MYL12A: variants seen among roughly 807,000 people sequenced by gnomAD.
MYL12A encodes the protein myosin regulatory light chain 12A.
A neutral mutation model predicts 13.3 loss-of-function variants in MYL12A; 11 were observed. The observed-to-expected ratio is 0.83, with a 90% CI of 0.52 to 1.37. The LOEUF (loss-of-function observed/expected upper bound fraction) is 1.37, where lower values mean the gene tolerates loss of function less well. Among genes scored for constraint, MYL12A ranks in the 40% most tolerant of loss-of-function variants. The probability of loss-of-function intolerance (pLI) is 0.00; values close to 1 mark genes in which losing one functional copy is unlikely to be tolerated. For missense variants in MYL12A, 146 were observed against 212.3 expected (o/e 0.69, Z 1.94); for synonymous variants, 51 against 69.9 (o/e 0.73, Z 1.35).
intron 1 of MYL12A, chr18:3,248,731 A>G (rs1451860457): frequency 1.3e-5 from 2 of 152,226 alleles, no homozygotes; most frequent in African/African-American, 4.8e-5. Context: ...TTTACTGGCA[A>G]GTCAGCCCTC....
intron 1 of MYL12A, chr18:3,252,408 A>G (rs1015242825): frequency 2.8e-6 from 4 of 1,433,198 alleles, no homozygotes; most frequent in Non-Finnish European, 3.7e-6. Flanking sequence ...TGAGTATTGA[A>G]AATTGCCTTT....
At chr18:3,250,291 A>G (rs2081472352) in intron 1 of MYL12A, among the ~76,000 whole-genome samples, 1 of 152,248 alleles carries the variant, frequency 6.6e-6, no homozygotes, top group African/African-American at 2.4e-5. Context: ...AGAGTTGTGC[A>G]TTTGCTGAAG....
intron 1 of MYL12A, chr18:3,252,136 A>G: frequency 4.2e-6 from 2 of 479,842 alleles, no homozygotes; most frequent in South Asian, 9.1e-5. Flanking sequence ...GACCAATGGC[A>G]TAGTGTTTTG....
intron 1 of MYL12A, chr18:3,248,464 TG>T (rs1206275432): frequency 6.6e-6 from 1 of 152,190 alleles, no homozygotes; most frequent in African/African-American, 2.4e-5. Flanking sequence ...TTGTCCCATT[TG>T]GGGGGAAAGT....
chr18:3,251,141 CA>C (rs5822748), intron 1 of MYL12A, among the ~76,000 whole-genome samples: 20,567 of 109,994 alleles, frequency 0.19, 1,367 homozygotes, highest in East Asian at 0.3. Flanking sequence ...AGTGCTGACC[CA>C]AAAAAAAAAA....
At chr18:3,255,527 A>G in intron 3 of MYL12A, 1 of 450,636 alleles carries the variant, frequency 2.2e-6, no homozygotes, top group East Asian at 3.7e-5. Flanking sequence ...GCAGAATGAT[A>G]GAGCAAATGA....
chr18:3,256,089 TATC>T lies in MYL12A; in HGVS notation c.*174_*176del, dbSNP rs2081535456. On this transcript the variant is annotated 3_prime_UTR_variant, in exon 4 of 4. Transcript: ENST00000217652. ...GACTGGAAACGGGACTTTCTATTAA[TATC>T]ATTTTCAGAATAAAAAATAGGATAA... 5 of 802,836 alleles carry T rather than the reference TATC, an allele frequency of 6.2e-6. No homozygotes were observed. The African/African-American group carries it at 8.7e-5, about 14-fold the overall frequency. The allele number at this position is 802,836 out of a possible 1,614,324, so 49.7% of individuals were successfully genotyped here. A position where few individuals can be genotyped will look rare whatever the true frequency, so the allele number is the denominator to read the frequency against.
At chr18:3,253,674 T>C (rs959397917) in intron 2 of MYL12A, 11 of 682,920 alleles carry the variant, frequency 1.6e-5, no homozygotes, top group African/African-American at 3.6e-5. Flanking sequence ...AGCAGTATTA[T>C]TCCTTCTGAC....
chr18:3,255,586 C>G (rs1338648087), intron 3 of MYL12A, 160 bp from the exon 4 acceptor site: 1 of 873,166 alleles, frequency 1.1e-6, no homozygotes, highest in Non-Finnish European at 1.7e-6. Context: ...CTAGGCACTT[C>G]TCTGCTGAGG....
At position 3,254,162 on chromosome 18, in the gene MYL12A, T is replaced by G. The variant is rs762090561; in HGVS notation, c.343+112T>G. 3.8e-4 allele frequency: 466 copies of G among 1,211,972 alleles called. 1 individual carries two copies. Among genetic ancestry groups the G allele is most frequent in the Middle Eastern group, 1.1e-3 (4 of 3,566 alleles). 75.1% of individuals were successfully genotyped at this position (1,211,972 alleles called of 1,614,324 possible). ...GCTCTCAGGTTTGTACTACACCTAT[T>G]TTTTTAGACAGAGTTCTCTTGGCAT... On this transcript the variant is annotated intron_variant, in intron 3 of 3. Transcript: ENST00000217652.
intron 2 of MYL12A, 161 bp downstream of exon 2, chr18:3,253,589 G>A (rs754453801): frequency 3.6e-5 from 33 of 922,540 alleles, no homozygotes; most frequent in Non-Finnish European, 4.8e-5. Context: ...CAGCAGATTC[G>A]TGACCCTGTC....
chr18:3,249,565 CG>C (rs2081463915), intron 1 of MYL12A: 1 of 152,316 alleles, frequency 6.6e-6, no homozygotes, highest in Admixed American at 6.5e-5. Flanking sequence ...TTTCCAGTTT[CG>C]TACAACAGAC....
At chr18:3,248,645 T>C (rs1367924575) in intron 1 of MYL12A, 1 of 152,236 alleles carries the variant, frequency 6.6e-6, no homozygotes, top group African/African-American at 2.4e-5. Context: ...CTTAAAATTA[T>C]TGGTATTTGT....
Position 3,255,953 on chromosome 18 carries a change from G to A in MYL12A, c.*35G>A. The stretch of plus-strand genomic sequence containing the variant: ...AAATTCCAGCCAAACGTTCCTTGTT[G>A]CCACTTTGGGTATTCTGAGATTTTC... On this transcript the variant is annotated 3_prime_UTR_variant, in exon 4 of 4. Coordinates refer to ENST00000217652, the MANE Select transcript of MYL12A (RefSeq NM_006471.4). 2 of 1,604,724 alleles carry A rather than the reference G, an allele frequency of 1.2e-6. No individual in the cohort carries two copies. Among genetic ancestry groups the A allele is most frequent in the Non-Finnish European group, 1.7e-6 (2 of 1,174,920 alleles).
Position 3,253,946 on chromosome 18 carries a change from T to C in MYL12A, c.239T>C (p.Ile80Thr). Residue 80 changes from isoleucine to threonine, a missense_variant, in exon 3 of 4, where the codon ATC becomes ACC. Ile to Thr is a moderately conservative substitution (Grantham distance 89, BLOSUM62 -1). Coordinates refer to ENST00000217652, the MANE Select transcript of MYL12A (RefSeq NM_006471.4). ...DAMMNEAPGP[I>T]NFTMFLTMFG... ...ATGATGAATGAGGCTCCAGGCCCCA[T>C]CAATTTCACCATGTTCCTCACCATG... 4.3e-6 allele frequency: 7 copies of C among 1,613,972 alleles called. No homozygotes were observed. The highest frequency in any genetic ancestry group is 5.9e-6 in the Non-Finnish European group (7 of 1,179,922).
intron 1 of MYL12A, among the ~76,000 whole-genome samples, chr18:3,250,782 TACTC>T (rs1460328968): frequency 6.6e-6 from 1 of 152,198 alleles, no homozygotes; most frequent in African/African-American, 2.4e-5. Flanking sequence ...ATCCCTTAAT[TACTC>T]AGAAACATCT....
At chr18:3,254,136 C>T (rs1397971337) in intron 3 of MYL12A, 86 bp downstream of exon 3, 33 of 1,458,352 alleles carry the variant, frequency 2.3e-5, no homozygotes, top group East Asian at 1.2e-4. Context: ...AATATGATAA[C>T]GCTCTCAGGT....
At chr18:3,255,001 C>T (rs1383074710) in intron 3 of MYL12A, among the ~76,000 whole-genome samples, 1 of 152,188 alleles carries the variant, frequency 6.6e-6, no homozygotes, top group Non-Finnish European at 1.5e-5. Flanking sequence ...AATCGGGTGA[C>T]ATCAGATTCT....
rs1291928339 is a variant in MYL12A, at chr18:3,256,222, C to CT, written c.*307dup. On this transcript the variant is annotated 3_prime_UTR_variant, in exon 4 of 4. Coordinates refer to ENST00000217652, the MANE Select transcript of MYL12A (RefSeq NM_006471.4). ...CGATTTTTTCTGAATCATAATTAAA[C>CT]TTTATGATAAAATACTTACTTGTTT... is the stretch of plus-strand genomic sequence containing the variant. The CT allele has an allele frequency of 7.5e-6, 2 of 266,796 alleles. No homozygotes were observed. Among genetic ancestry groups the CT allele is most frequent in the African/African-American group, 4.5e-5 (2 of 44,128 alleles). 16.5% of individuals were successfully genotyped at this position (266,796 alleles called of 1,614,324 possible).
Sources: gnomAD v4.1 joint callset for allele counts (sites outside exome capture counted in the v4.1 genomes callset) on GRCh38, gnomAD v4.1.1 for gene constraint, MANE v1.5 for transcripts, NCBI Gene and HGNC (gene_info 2026-07-23, HGNC 2026-07-21) for gene names.